CLASP1: variants seen among roughly 807,000 people sequenced by gnomAD.
CLASP1 encodes the protein cytoplasmic linker associated protein 1, also known as CLIP-associating protein 1.
In CLASP1, 38 loss-of-function variants were observed where a neutral mutation model predicts 192.3. The observed-to-expected ratio is 0.20, with a 90% CI of 0.15 to 0.26. CLASP1 has a LOEUF of 0.26. Ranked by LOEUF, CLASP1 falls within the 10% of genes least tolerant of loss-of-function variation. The pLI is 1.00. For synonymous variants in CLASP1, 691 were observed against 712.8 expected, an observed-to-expected ratio of 0.97 and a Z score of 0.49; for missense variants, 1,433 against 1,932.5, an observed-to-expected ratio of 0.74 and a Z score of 4.85.
chr2:121,646,034 A>G (rs1176660705), intron 1 of CLASP1, among the ~76,000 whole-genome samples: 1 of 152,224 alleles, frequency 6.6e-6, no homozygotes, highest in African/African-American at 2.4e-5. Flanking sequence ...TTAAGATTAC[A>G]TCTTACAAAC....
At chr2:121,445,626 G>A (rs900219623) in intron 19 of CLASP1, 2 of 418,864 alleles carry the variant, frequency 4.8e-6, no homozygotes, top group African/African-American at 4.2e-5. Context: ...TGGTGTTTTT[G>A]TTTGGGGACA....
intron 8 of CLASP1, among the ~76,000 whole-genome samples, chr2:121,486,437 C>T (rs756641217): frequency 3.9e-5 from 6 of 152,190 alleles, no homozygotes; most frequent in Non-Finnish European, 8.8e-5. Flanking sequence ...ACATAAGAGT[C>T]ACCATATATC....
chr2:121,440,236 G>A (rs1351292541), intron 19 of CLASP1, among the ~76,000 whole-genome samples: 1 of 151,890 alleles, frequency 6.6e-6, no homozygotes, highest in African/African-American at 2.4e-5. Context: ...AAGGGCCTCT[G>A]TTGTGTTAAA....
intron 30 of CLASP1, among the ~76,000 whole-genome samples, chr2:121,392,403 C>CA (rs1454675321): frequency 6.6e-6 from 1 of 152,142 alleles, no homozygotes; most frequent in Non-Finnish European, 1.5e-5. Flanking sequence ...GCTGCAACTG[C>CA]AAATAAAATG....
chr2:121,549,343 G>A (rs947411511), intron 2 of CLASP1, among the ~76,000 whole-genome samples: 33 of 152,148 alleles, frequency 2.2e-4, no homozygotes, highest in Middle Eastern at 3.4e-3. Flanking sequence ...GACAAAGATG[G>A]GCATTACATA....
At chr2:121,628,824 A>T (rs751929879) in intron 1 of CLASP1, among the ~76,000 whole-genome samples, 3 of 151,646 alleles carry the variant, frequency 2.0e-5, no homozygotes, top group Non-Finnish European at 4.4e-5. Context: ...CTAAGGAAAA[A>T]TTTATCAAGT....
At chr2:121,489,728 T>C (rs1184376582) in intron 8 of CLASP1, among the ~76,000 whole-genome samples, 1 of 152,234 alleles carries the variant, frequency 6.6e-6, no homozygotes, top group African/African-American at 2.4e-5. Flanking sequence ...TTGTGAGCAA[T>C]ACTTCTTTTG....
intron 17 of CLASP1, 42 bp downstream of exon 17, chr2:121,448,911 A>G: frequency 1.3e-6 from 2 of 1,581,150 alleles, no homozygotes; most frequent in Non-Finnish European, 1.7e-6. Context: ...ACTTTTAAAT[A>G]CAAATTCTCA....
chr2:121,548,111 C>G (rs1468479795), intron 2 of CLASP1, among the ~76,000 whole-genome samples: 1 of 152,032 alleles, frequency 6.6e-6, no homozygotes, highest in Non-Finnish European at 1.5e-5. Flanking sequence ...TGGATAGGAA[C>G]CAAGATCACT....
intron 2 of CLASP1, among the ~76,000 whole-genome samples, chr2:121,536,870 G>A (rs2095097686): frequency 6.6e-6 from 1 of 152,168 alleles, no homozygotes; most frequent in South Asian, 2.1e-4. Context: ...CGTTGGTGAT[G>A]GTTGCATAAT....
rs1321135970 is a variant in CLASP1, at chr2:121,494,027, G to C, written c.712+9140C>G. On this transcript the variant is annotated intron_variant, in intron 8 of 39. Coordinates refer to ENST00000263710, the Ensembl canonical transcript of CLASP1. Reference sequence around the variant, plus strand: ...ATGTTAAATTAGTACAGCCACTACAGAAAACAATAGAGAGGTTCCTCAAAA... The same window carrying C: ...ATGTTAAATTAGTACAGCCACTACACAAAACAATAGAGAGGTTCCTCAAAA... Among the ~76,000 whole-genome samples the C allele has an allele frequency of 2.0e-5, 3 of 152,138 alleles. No homozygotes were observed. The East Asian group carries it at 5.8e-4, about 29-fold the overall frequency.
At chr2:121,646,955 G>C (rs2073277369) in intron 1 of CLASP1, among the ~76,000 whole-genome samples, 1 of 150,608 alleles carries the variant, frequency 6.6e-6, no homozygotes, top group African/African-American at 2.4e-5. Context: ...GAGGAGAATG[G>C]CATGAACCTG....
intron 8 of CLASP1, among the ~76,000 whole-genome samples, chr2:121,502,232 AGG>A (rs1417278531): frequency 6.6e-6 from 1 of 152,234 alleles, no homozygotes; most frequent in Non-Finnish European, 1.5e-5. Context: ...ATCACAAGCC[AGG>A]GACTCTTCAA....
intron 2 of CLASP1, among the ~76,000 whole-genome samples, chr2:121,593,479 C>T (rs190373843): frequency 2.0e-5 from 3 of 151,962 alleles, no homozygotes; most frequent in Admixed American, 2.0e-4. Flanking sequence ...AGTAGCCGGG[C>T]ATGCTGGTGC....
rs114928882 is a variant in CLASP1, at chr2:121,358,453, G to A, written c.4206+4719C>T. On this transcript the variant is annotated intron_variant, in intron 37 of 39. Coordinates refer to ENST00000263710, the Ensembl canonical transcript of CLASP1. The stretch of plus-strand genomic sequence containing the variant: ...GATACAAATGACTGCTGCCCTGAGA[G>A]GCACCTAAGGGCCATTCCTGAGCGC... Among the ~76,000 whole-genome samples the A allele has an allele frequency of 7.2e-3, 1,089 of 152,274 alleles. 10 individuals carry two copies. The highest frequency in any genetic ancestry group is 0.024 in the African/African-American group (999 of 41,540).
At chr2:121,418,587 T>A (rs1217086863) in intron 23 of CLASP1, 35 bp downstream of exon 23, 1 of 1,454,086 alleles carries the variant, frequency 6.9e-7, no homozygotes, top group Non-Finnish European at 9.7e-7. Context: ...GGAAAGGAAC[T>A]CTTTGCTCCT....
At chr2:121,524,645 T>C (rs2094532266) in intron 6 of CLASP1, among the ~76,000 whole-genome samples, 1 of 152,030 alleles carries the variant, frequency 6.6e-6, no homozygotes, top group South Asian at 2.1e-4. Context: ...TTGGTAGAGA[T>C]GGGGTTTCAC....
At chr2:121,388,012 G>C in intron 30 of CLASP1, 106 bp from the exon 32 acceptor site, 1 of 821,646 alleles carries the variant, frequency 1.2e-6, no homozygotes. Flanking sequence ...ACTAATAAGA[G>C]GGCATTCTAG....
chr2:121,531,049 T>A, intron 2 of CLASP1: 2 of 697,846 alleles, frequency 2.9e-6, no homozygotes, highest in South Asian at 3.0e-5. Flanking sequence ...CAAACAGCAG[T>A]AATTCGTAAA....
Sources: allele counts gnomAD v4.1 joint callset (sites outside exome capture counted in the v4.1 genomes callset), GRCh38; gene constraint gnomAD v4.1.1; transcripts MANE v1.5; gene names NCBI Gene and HGNC (gene_info 2026-07-23, HGNC 2026-07-21).